PLD2: variants seen among roughly 807,000 people sequenced by gnomAD.
The protein encoded by PLD2 is choline phosphatase 2.
Under a neutral mutation model 119.8 loss-of-function variants are expected in PLD2, and 101 were observed. The observed-to-expected ratio is 0.84, with a 90% confidence interval of 0.72 to 0.99. PLD2 has a LOEUF of 0.99. Ranked by LOEUF, PLD2 falls within the 50% of genes least tolerant of loss-of-function variation. The probability of loss-of-function intolerance (pLI) is 0.00; values close to 1 mark genes in which losing one functional copy is unlikely to be tolerated. For missense variants in PLD2, 1,164 were observed against 1,226.8 expected (o/e 0.95, Z 0.76); for synonymous variants, 494 against 482.8 (o/e 1.02, Z -0.30).
chr17:4,808,090 C>T lies in PLD2; in HGVS notation c.216C>T (p.Thr72=). 1 of 1,611,500 alleles carries T rather than the reference C, an allele frequency of 6.2e-7. No homozygotes were observed. The highest frequency in any genetic ancestry group is 8.5e-7 in the Non-Finnish European group (1 of 1,177,954). Residue 72 remains threonine, a synonymous_variant, in exon 3 of 25, where the codon ACC becomes ACT. Transcript: ENST00000263088. The surrounding 1 kb of genome is among the most constrained non-coding windows in gnomAD (Gnocchi z 4.1). ...GVPVTAQVVG[T]ERYTSGSKVG... is the part of the protein sequence containing the mutation. ...CTGTCACAGCCCAGGTGGTGGGCAC[C>T]GAAAGATATACCAGCGGATCCAAGG... is the stretch of plus-strand genomic sequence containing the variant.
chr17:4,815,845 G>A lies in PLD2; in HGVS notation c.1366G>A (p.Gly456Arg), dbSNP rs1428470904. Residue 456 changes from glycine to arginine, a missense_variant, in exon 14 of 25, where the codon GGG (glycine) becomes AGG (arginine). Coordinates refer to ENST00000263088, the MANE Select transcript of PLD2 (RefSeq NM_002663.5). ...GGTGGACCAAGTGGTAGCATTCCTG[G>A]GGGGACTGGACCTTGCCTATGGCCG... ...LVVDQVVAFL[G>R]GLDLAYGRWD... is the part of the protein sequence containing the mutation. The A allele has an allele frequency of 1.2e-6, 2 of 1,614,074 alleles. No homozygotes were observed. Among genetic ancestry groups the A allele is most frequent in the East Asian group, 2.2e-5 (1 of 44,868 alleles).
rs1002119902 is a variant in PLD2 at position 4,816,168 on chromosome 17, G to C, written c.1455+234G>C. Among the ~76,000 whole-genome samples, 6 of 152,058 alleles carry C rather than the reference G, an allele frequency of 3.9e-5. No homozygotes were observed. The East Asian group carries it at 1.2e-3, about 29-fold the overall frequency. On this transcript the variant is annotated intron_variant, in intron 14 of 24. Transcript: ENST00000263088. ...AGGCCAAGGCGGGTGGATCACCTGA[G>C]GTCTGGAGTTCGAGACCAGCCTGAC... is the stretch of plus-strand genomic sequence containing the variant.
chr17:4,820,626 A>G (rs1260290770), intron 23 of PLD2, among the ~76,000 whole-genome samples: 3 of 142,098 alleles, frequency 2.1e-5, no homozygotes, highest in South Asian at 4.5e-4. Flanking sequence ...CCCAGGCTGG[A>G]GTGCAGTGGC....
At chr17:4,810,760 T>C in intron 9 of PLD2, 42 bp from the exon 10 acceptor site, 3 of 1,579,744 alleles carry the variant, frequency 1.9e-6, no homozygotes, top group East Asian at 2.3e-5. Flanking sequence ...ATCACAGGTA[T>C]GGAGGGCGAG....
intron 23 of PLD2, among the ~76,000 whole-genome samples, chr17:4,820,284 T>TG (rs1192295474): frequency 2.1e-5 from 3 of 142,522 alleles, no homozygotes; most frequent in Non-Finnish European, 4.7e-5. Flanking sequence ...TTGTTGTTGT[T>TG]GAGACACGGT....
intron 10 of PLD2, chr17:4,814,187 C>T (rs1906741621): frequency 4.0e-6 from 2 of 504,218 alleles, no homozygotes; most frequent in Admixed American, 4.0e-5. Flanking sequence ...ATGTATTAAT[C>T]CTCCTGTTCT....
rs2150676783 is a variant in PLD2, at chr17:4,817,008, G to A, written c.1654G>A (p.Ala552Thr). Reference sequence around the variant, plus strand: ...TGGGGTGGTCGTCCATGGCCTACCGGCCCGGGACCTTGCCCGGCACTTCAT... The same window carrying A: ...TGGGGTGGTCGTCCATGGCCTACCGACCCGGGACCTTGCCCGGCACTTCAT... ...DVGVVVHGLP[A>T]RDLARHFIQR... The change falls in exon 16 of 25, where the codon GCC becomes ACC. Residue 552 changes from alanine to threonine, a missense_variant. Coordinates refer to ENST00000263088, the MANE Select transcript of PLD2 (RefSeq NM_002663.5). The A allele has an allele frequency of 6.2e-7, 1 of 1,613,866 alleles. No individual in the cohort carries two copies. The highest frequency in any genetic ancestry group is 8.5e-7 in the Non-Finnish European group (1 of 1,179,900).
rs777730807 is a variant in PLD2 at position 4,816,692 on chromosome 17, G to A, written c.1528G>A (p.Asp510Asn). The change falls in exon 15 of 25, where the codon GAC becomes AAC. Residue 510 changes from aspartate to asparagine, a missense_variant. By Grantham distance (23) the Asp-to-Asn change is conservative. Transcript: ENST00000263088. ...CAACCAATTCTTCTGGCTGGGCAAG[G>A]ACTACAGCAATCTTATCACCAAGGA... ...SHNQFFWLGK[D>N]YSNLITKDWV... The A allele has an allele frequency of 1.9e-6, 3 of 1,614,152 alleles. No individual in the cohort carries two copies. The East Asian group carries it at 6.7e-5, about 36-fold the overall frequency.
At chr17:4,812,295 G>GTT (rs560349965) in intron 10 of PLD2, among the ~76,000 whole-genome samples, 6,999 of 118,532 alleles carry the variant, frequency 0.059, 384 homozygotes, top group African/African-American at 0.12. Context: ...TTTTGTTTTG[G>GTT]TTTTTTTTTT....
chr17:4,823,027 T>C lies in PLD2; in HGVS notation c.*163T>C. On this transcript the variant is annotated 3_prime_UTR_variant, in exon 25 of 25. Coordinates refer to ENST00000263088, the MANE Select transcript of PLD2 (RefSeq NM_002663.5). Reference sequence around the variant, plus strand: ...TTACAGAGGACCCTTACGTGAGAAATAGCTGAAAAGGGCACTCCCAACCCT... The same window carrying C: ...TTACAGAGGACCCTTACGTGAGAAACAGCTGAAAAGGGCACTCCCAACCCT... 4 of 583,348 alleles carry C rather than the reference T, an allele frequency of 6.9e-6. No homozygotes were observed. The highest frequency in any genetic ancestry group is 9.2e-6 in the Non-Finnish European group (3 of 327,680). 36.1% of individuals were successfully genotyped at this position (583,348 alleles called of 1,614,324 possible). A position where few individuals can be genotyped will look rare whatever the true frequency, so the allele number is the denominator to read the frequency against.
rs551652370 is a variant in PLD2 at position 4,808,549 on chromosome 17, C to T, written c.383+133C>T. 50 of 828,774 alleles carry T rather than the reference C, an allele frequency of 6.0e-5. No individual in the cohort carries two copies. In the African/African-American group the frequency reaches 6.3e-4, roughly 10 times the overall value. The allele number at this position is 828,774 out of a possible 1,614,324, so 51.3% of individuals were successfully genotyped here. On this transcript the variant is annotated intron_variant, in intron 4 of 24. Transcript: ENST00000263088. The surrounding 1 kb of genome is among the most constrained non-coding windows in gnomAD (Gnocchi z 4.1). ...GTGCTGCCTCCCCTGACCCCAGTTA[C>T]CAGGAAACTTTCCCTGCTCAGCTTT...
At chr17:4,816,540 A>G in intron 14 of PLD2, 80 bp from the exon 15 acceptor site, 1 of 1,410,348 alleles carries the variant, frequency 7.1e-7, no homozygotes, top group Non-Finnish European at 1.0e-6. Flanking sequence ...TCACTCTTTC[A>G]GTGCTCCTCT....
At chr17:4,821,764 G>C in intron 23 of PLD2, 29 bp from the exon 24 acceptor site, 9 of 1,467,682 alleles carry the variant, frequency 6.1e-6, no homozygotes, top group Non-Finnish European at 7.6e-6. Flanking sequence ...ATCTTAATCT[G>C]GCCCTGCTGG....
In PLD2 at chr17:4,819,585, A is replaced by G. The variant is rs760634339; in HGVS notation, c.2462+3A>G. 1 of 1,604,656 alleles carries G rather than the reference A, an allele frequency of 6.2e-7. No homozygotes were observed. Among genetic ancestry groups the G allele is most frequent in the East Asian group, 2.2e-5 (1 of 44,744 alleles). On this transcript the variant is annotated splice_donor_region_variant and intron_variant, in intron 23 of 24. Transcript: ENST00000263088. The surrounding 1 kb of genome is among the most constrained non-coding windows in gnomAD (Gnocchi z 4.2). ...AGTCTGCGGAAGCACTGCTTCGGGT[A>G]GAGCTGGGGCGGGATGCCACAGGGT...
Position 4,817,226 on chromosome 17 carries a change from C to T in PLD2, c.1782C>T (p.Phe594=). 2 of 1,613,682 alleles carry T rather than the reference C, an allele frequency of 1.2e-6. No individual in the cohort carries two copies. The highest frequency in any genetic ancestry group is 1.7e-6 in the Non-Finnish European group (2 of 1,179,612). Residue 594 remains phenylalanine (F), a synonymous_variant, in exon 17 of 25, where the codon TTC becomes TTT. Transcript: ENST00000263088. ...KSTSTANQLP[F]TLPGGQCTTV... Reference sequence around the variant, plus strand: ...CCAGCACGGCCAATCAGCTCCCCTTCACACTTCCAGGAGGGCAGTGCACCA... The same window carrying T: ...CCAGCACGGCCAATCAGCTCCCCTTTACACTTCCAGGAGGGCAGTGCACCA...
intron 18 of PLD2, 78 bp from the exon 19 acceptor site, chr17:4,818,219 A>G (rs1181099603): frequency 6.9e-7 from 1 of 1,449,074 alleles, no homozygotes; most frequent in East Asian, 2.3e-5. Flanking sequence ...AGACGCCTGG[A>G]GCCTGGGACC....
intron 9 of PLD2, 72 bp downstream of exon 9, chr17:4,810,101 AAG>A (rs1906306627): frequency 2.0e-6 from 3 of 1,484,586 alleles, no homozygotes; most frequent in Non-Finnish European, 2.8e-6. Context: ...GGAGTTGAGA[AAG>A]AGAGACCACA....
rs3081358 is a variant in PLD2, at chr17:4,807,539, C to CGGGGCGG, written c.-1-217_-1-211dup. On this transcript the variant is annotated intron_variant, in intron 1 of 24. Transcript: ENST00000263088. The surrounding 1 kb of genome is among the most constrained non-coding windows in gnomAD (Gnocchi z 5.4). Reference sequence around the variant, plus strand: ...GTTCCCCGGGGCTCTGGTTACGGGACGGGGCGGGGGGCGGGGGGCGGGACT... The same window carrying CGGGGCGG: ...GTTCCCCGGGGCTCTGGTTACGGGACGGGGCGGGGGGCGGGGGGCGGGGGGCGGGACT... 42,754 of 370,154 alleles carry CGGGGCGG rather than the reference C, an allele frequency of 0.12. 3,414 individuals are homozygous for CGGGGCGG. Among genetic ancestry groups the CGGGGCGG allele is most frequent in the African/African-American group, 0.17 (8,092 of 46,700 alleles). The allele number at this position is 370,154 out of a possible 1,614,324, so 22.9% of individuals were successfully genotyped here. A position where few individuals can be genotyped will look rare whatever the true frequency, so the allele number is the denominator to read the frequency against.
chr17:4,820,794 T>C (rs1418209631), intron 23 of PLD2, among the ~76,000 whole-genome samples: 2 of 144,006 alleles, frequency 1.4e-5, no homozygotes, highest in Non-Finnish European at 3.0e-5. Context: ...GCCAGGATGG[T>C]CTAGATCTCT....
Sources: allele counts gnomAD v4.1 joint callset (sites outside exome capture counted in the v4.1 genomes callset), GRCh38; gene constraint gnomAD v4.1.1; non-coding constraint Gnocchi (gnomAD v3.1); transcripts MANE v1.5; gene names NCBI Gene and HGNC (gene_info 2026-07-23, HGNC 2026-07-21).